The following FRMD1 variants were observed in gnomAD, a reference collection of about 807,000 sequenced individuals.
The protein encoded by FRMD1 is FERM domain-containing protein 1.
Under a neutral mutation model 54.9 loss-of-function variants are expected in FRMD1, and 51 were observed. That is an observed-to-expected ratio of 0.93 (90% CI 0.74 to 1.17). The LOEUF (loss-of-function observed/expected upper bound fraction) is 1.17, where lower values mean the gene tolerates loss of function less well. Among genes scored for constraint, FRMD1 ranks in the 50% most tolerant of loss-of-function variants. FRMD1 has a pLI of 0.00. For missense variants in FRMD1, 729 were observed against 743.0 expected (o/e 0.98, Z 0.22); for synonymous variants, 324 against 306.4 (o/e 1.06, Z -0.60).
upstream of FRMD1, chr6:168,081,442 G>C (rs780805597): frequency 6.5e-7 from 1 of 1,535,478 alleles, no homozygotes; most frequent in African/African-American, 1.4e-5. Flanking sequence ...GGCAGAGGCC[G>C]CGAGGAAGAG....
intron 8 of FRMD1, among the ~76,000 whole-genome samples, 155 bp from the exon 9 acceptor site, chr6:168,061,212 C>T (rs115858442): frequency 0.027 from 4,041 of 152,128 alleles, 163 homozygotes; most frequent in African/African-American, 0.093. Flanking sequence ...AACGCTGAGG[C>T]CAGGCCTTGT....
chr6:168,061,840 G>A lies in FRMD1; in HGVS notation c.1012C>T (p.Leu338=), dbSNP rs751284198. ...HQLHLRVRPT[L]QQLRQREEAE... is the part of the protein sequence containing the mutation. The stretch of plus-strand genomic sequence containing the variant: ...TCCTCCCGCTGCCGCAGCTGTTGCA[G>A]AGTGGGCCGCACGCGGAGGTGGAGC... Residue 338 remains leucine (L), a synonymous_variant, in exon 8 of 11, where the codon CTG becomes TTG. Transcript: ENST00000283309. The A allele has an allele frequency of 6.4e-7, 1 of 1,571,908 alleles. No individual in the cohort carries two copies. Among genetic ancestry groups the A allele is most frequent in the South Asian group, 1.2e-5 (1 of 85,672 alleles).
Position 168,055,762 on chromosome 6 carries a change from C to T in FRMD1, c.*1335G>A, listed in dbSNP as rs1197985073. On this transcript the variant is annotated 3_prime_UTR_variant, in exon 11 of 11. Coordinates refer to ENST00000283309, the MANE Select transcript of FRMD1 (RefSeq NM_024919.6). ...CCCCTGAGTGAGTTACAGCCGGCAT[C>T]TCACCAGCCCCCCAGGCAGGCTGGT... The T allele has an allele frequency of 6.6e-6, 1 of 152,182 alleles. No homozygotes were observed. The highest frequency in any genetic ancestry group is 2.4e-5 in the African/African-American group (1 of 41,434). 9.4% of individuals were successfully genotyped at this position (152,182 alleles called of 1,614,324 possible).
At chr6:168,060,187 T>C (rs1799643990) in intron 9 of FRMD1, among the ~76,000 whole-genome samples, 1 of 46,236 alleles carries the variant, frequency 2.2e-5, no homozygotes, top group Admixed American at 3.3e-4. Flanking sequence ...ATGGGGGGCT[T>C]CCTGGAAGTG....
rs764344924 is a variant in FRMD1, at chr6:168,060,778, G to T, written c.1325C>A (p.Thr442Lys). The change falls in exon 9 of 11, where the codon ACA (threonine) becomes AAA (lysine). Residue 442 changes from threonine to lysine, a missense_variant. Thr to Lys is a moderately conservative substitution (Grantham distance 78, BLOSUM62 -1). Coordinates refer to ENST00000283309, the MANE Select transcript of FRMD1 (RefSeq NM_024919.6). ...GGGCCCACCTTGGCTGTCACCACGT[G>T]TGCTGGGGTGGCTGCGGCTGGTCCT... ...SPRTSRSHPSTRGDSQATRQE... is the reference protein window; with the variant it reads ...SPRTSRSHPSKRGDSQATRQE... 3.7e-6 allele frequency: 6 copies of T among 1,611,032 alleles called. No homozygotes were observed. Among genetic ancestry groups the T allele is most frequent in the Non-Finnish European group, 5.1e-6 (6 of 1,178,084 alleles).
chr6:168,075,604 C>T (rs1034529107), intron 1 of FRMD1: 38 of 770,782 alleles, frequency 4.9e-5, no homozygotes, highest in Non-Finnish European at 7.8e-5. Flanking sequence ...CTGTCTGTCT[C>T]TGGTGTGAGG....
intron 8 of FRMD1, 88 bp downstream of exon 8, chr6:168,061,719 G>C: frequency 1.5e-6 from 2 of 1,330,964 alleles, no homozygotes; most frequent in Non-Finnish European, 2.0e-6. Context: ...GAGACAGAAG[G>C]CATAGTCCGG....
At chr6:168,063,829 G>A (rs1004636351) in intron 5 of FRMD1, 73 bp from the exon 6 acceptor site, 20 of 1,482,004 alleles carry the variant, frequency 1.3e-5, no homozygotes, top group East Asian at 2.6e-5. Context: ...CCCCTGCTCC[G>A]AGAAGCTTCC....
chr6:168,087,503 A>G (rs1312233262), intron 1 of FRMD1, among the ~76,000 whole-genome samples: 1 of 152,230 alleles, frequency 6.6e-6, no homozygotes, highest in Non-Finnish European at 1.5e-5. Context: ...GAGAGGTTAA[A>G]GGGCCCTGTC....
chr6:168,058,205 C>G (rs113926061), intron 10 of FRMD1, among the ~76,000 whole-genome samples: 2 of 146,256 alleles, frequency 1.4e-5, no homozygotes, highest in Admixed American at 6.8e-5. Flanking sequence ...ATCCAGCCTC[C>G]CGTGCCCAGC....
upstream of FRMD1, chr6:168,081,234 C>A: frequency 2.0e-6 from 2 of 992,434 alleles, no homozygotes; most frequent in Non-Finnish European, 2.7e-6. Context: ...TGAGTACCTC[C>A]CGCCAGGGCA....
Position 168,079,043 on chromosome 6 carries a change from C to T in FRMD1, c.52G>A (p.Asp18Asn). ...CGCGCCCCTGAAGGAGGGAACGTGT[C>T]AGGGTTTGTCCGGGCGGGGTCTATG... ...RGIDPARTNP[D>N]TFPPSGARCM... Residue 18 changes from aspartate (D) to asparagine (N), a missense_variant, in exon 1 of 11, where the codon GAC (aspartate) becomes AAC (asparagine). Asp to Asn is a conservative substitution (Grantham distance 23). Transcript: ENST00000283309. 6.2e-7 allele frequency: 1 copy of T among 1,611,164 alleles called. No individual in the cohort carries two copies.
At chr6:168,064,690 G>A (rs1799936061) in intron 5 of FRMD1, among the ~76,000 whole-genome samples, 181 bp downstream of exon 5, 1 of 152,226 alleles carries the variant, frequency 6.6e-6, no homozygotes, top group Non-Finnish European at 1.5e-5. Context: ...TGCCTTTGGG[G>A]GTGGTAAGGA....
intron 6 of FRMD1, 104 bp downstream of exon 6, chr6:168,063,497 T>A (rs1293585519): frequency 7.6e-7 from 1 of 1,312,654 alleles, no homozygotes; most frequent in Non-Finnish European, 1.0e-6. Flanking sequence ...GGGGGCTCCA[T>A]CCATCCCTGC....
chr6:168,088,882 T>TGCCTGTCAACCTCCCCATC (rs1305707890), intron 1 of FRMD1, among the ~76,000 whole-genome samples: 2 of 39,616 alleles, frequency 5.0e-5, no homozygotes, highest in Non-Finnish European at 7.0e-5. Context: ...ACCTCCCCAC[T>TGCCTGTCAACCTCCCCATC]CCTTGTGTCC....
intron 9 of FRMD1, among the ~76,000 whole-genome samples, chr6:168,060,213 G>C (rs1583168056): frequency 8.0e-6 from 1 of 125,640 alleles, no homozygotes. Flanking sequence ...CTTCCTAGGA[G>C]TGGGGGGTTT....
chr6:168,074,642 GGT>G (rs1392276039), intron 2 of FRMD1, among the ~76,000 whole-genome samples: 4 of 139,958 alleles, frequency 2.9e-5, no homozygotes, highest in Admixed American at 2.2e-4. Context: ...ATGTGTGACT[GGT>G]GTGTGTGCAT....
rs1216630821 is a variant in FRMD1 at position 168,059,244 on chromosome 6, C to A, written c.1343-56G>T. 3 of 1,455,768 alleles carry A rather than the reference C, an allele frequency of 2.1e-6. No homozygotes were observed. The African/African-American group carries it at 4.2e-5, about 20-fold the overall frequency. 90.2% of individuals were successfully genotyped at this position (1,455,768 alleles called of 1,614,324 possible). On this transcript the variant is annotated intron_variant, in intron 9 of 10. Transcript: ENST00000283309. The surrounding 1 kb of genome is among the most constrained non-coding windows in gnomAD (Gnocchi z 4.4). ...GTCTGGGTTCTGCCCGACATGGCTC[C>A]TCCCCAGGGCAGTTCCCTGCACTTC...
intron 1 of FRMD1, among the ~76,000 whole-genome samples, chr6:168,088,557 TA>T (rs1800961254): frequency 6.6e-6 from 1 of 152,090 alleles, no homozygotes; most frequent in African/African-American, 2.4e-5. Flanking sequence ...AACTCAGCAC[TA>T]AAAAGTGCTC....
Sources: allele counts gnomAD v4.1 joint callset (sites outside exome capture counted in the v4.1 genomes callset), GRCh38; gene constraint gnomAD v4.1.1; non-coding constraint Gnocchi (gnomAD v3.1); transcripts MANE v1.5; gene names NCBI Gene and HGNC (gene_info 2026-07-23, HGNC 2026-07-21).